The following KIR3DL1 variants were observed in gnomAD, a reference collection of about 807,000 sequenced individuals.
KIR3DL1 encodes killer cell immunoglobulin like receptor, three Ig domains and long cytoplasmic tail 1, also known as killer cell immunoglobulin-like receptor 3DL1.
KIR3DL1 carries 50 observed loss-of-function variants against 40.3 expected under a neutral mutation model. That is an observed-to-expected ratio of 1.24 (90% confidence interval 0.99 to 1.57). The LOEUF is 1.57. Among genes scored for constraint, KIR3DL1 ranks in the 40% most tolerant of loss-of-function variants. The probability of loss-of-function intolerance (pLI) is 0.00; values close to 1 mark genes in which losing one functional copy is unlikely to be tolerated. For missense variants in KIR3DL1, 661 were observed against 559.9 expected, an observed-to-expected ratio of 1.18 and a Z score of -1.82; for synonymous variants, 257 against 207.2, an observed-to-expected ratio of 1.24 and a Z score of -2.07.
chr19:54,817,399 G>T (rs1224258951), intron 1 of KIR3DL1, 135 bp from the exon 2 acceptor site: 1 of 764,444 alleles, frequency 1.3e-6, no homozygotes, highest in Non-Finnish European at 2.3e-6. Flanking sequence ...TGTTCCTGGG[G>T]GCAGGTAGGC....
rs2061414475 is a variant in KIR3DL1, at chr19:54,817,573, A to T, written c.70+4A>T. 10 of 1,509,408 alleles carry T rather than the reference A, an allele frequency of 6.6e-6. 1 individual carries two copies. In the Middle Eastern group the frequency reaches 1.1e-3, roughly 160 times the overall value. The allele number at this position is 1,509,408 out of a possible 1,614,324, so 93.5% of individuals were successfully genotyped here. ...CAGAGGGCCGGTCCACACATGGGTG[A>T]GTCCTTCCCCAAACCTTAGGGTGTC... is the stretch of plus-strand genomic sequence containing the variant. On this transcript the variant is annotated splice_donor_region_variant and intron_variant, in intron 2 of 8. Transcript: ENST00000391728.
chr19:54,817,538 G>T (rs1142881), exon 2 of KIR3DL1: 3 of 1,389,650 alleles, frequency 2.2e-6, no homozygotes, highest in Admixed American at 1.8e-5. Context: ...TTCTAGGGTT[G>T]TTCTTGGTCC....
intron 4 of KIR3DL1, among the ~76,000 whole-genome samples, chr19:54,820,862 CTG>C (rs2061597483): frequency 6.6e-6 from 1 of 150,920 alleles, no homozygotes; most frequent in Non-Finnish European, 1.5e-5. Flanking sequence ...ACTAGAGAGA[CTG>C]AGAGGCAGAG....
chr19:54,817,592 G>T, intron 2 of KIR3DL1, 23 bp downstream of exon 2: 1 of 1,493,072 alleles, frequency 6.7e-7, no homozygotes, highest in Non-Finnish European at 9.1e-7. Context: ...CCAAACCTTA[G>T]GGTGTCATCT....
chr19:54,818,138 C>A (rs2061441237), intron 2 of KIR3DL1, among the ~76,000 whole-genome samples, 177 bp from the exon 3 acceptor site: 2 of 141,238 alleles, frequency 1.4e-5, no homozygotes, highest in Non-Finnish European at 1.5e-5. Flanking sequence ...AAGTTCTCAG[C>A]TGACACTTGT....
At chr19:54,819,599 T>C (rs569605483) in intron 3 of KIR3DL1, 114 bp from the exon 4 acceptor site, 13,444 of 1,265,904 alleles carry the variant, frequency 0.011, 262 homozygotes, top group South Asian at 0.011. Flanking sequence ...GACACGGAGA[T>C]GCAGAGAGGG....
chr19:54,819,929 G>C, exon 4 of KIR3DL1: 1 of 1,612,016 alleles, frequency 6.2e-7, no homozygotes, highest in Non-Finnish European at 8.5e-7. Flanking sequence ...GCCCTTGCAG[G>C]GACCTACAGA....
At chr19:54,824,090 T>C (rs1316550711) in intron 5 of KIR3DL1, among the ~76,000 whole-genome samples, 1 of 151,548 alleles carries the variant, frequency 6.6e-6, no homozygotes, top group South Asian at 2.1e-4. Flanking sequence ...CAGAAGTTGC[T>C]TGGTTTGATG....
exon 9 of KIR3DL1, chr19:54,830,152 C>G: frequency 6.6e-7 from 1 of 1,522,546 alleles, no homozygotes; most frequent in Non-Finnish European, 8.9e-7. Context: ...TGGATCACTG[C>G]GTTTTCACAC....
At position 54,820,022 on chromosome 19, in the gene KIR3DL1, T is replaced by C; in HGVS notation, c.655+10T>C. On this transcript the variant is annotated intron_variant, in intron 4 of 8. Coordinates refer to ENST00000391728, the Ensembl canonical transcript of KIR3DL1. ...GACATCGTGGTCACAGGTGAGAGTG[T>C]CTAGACATTGTTCTCATTGTCACTG... The C allele has an allele frequency of 6.2e-7, 1 of 1,607,524 alleles. No homozygotes were observed. The highest frequency in any genetic ancestry group is 8.5e-7 in the Non-Finnish European group (1 of 1,176,692).
At chr19:54,827,347 G>C (rs1403151079) in intron 6 of KIR3DL1, among the ~76,000 whole-genome samples, 1 of 151,014 alleles carries the variant, frequency 6.6e-6, no homozygotes, top group South Asian at 2.1e-4. Context: ...ACCCAGCACT[G>C]CAGGAGGCTA....
In KIR3DL1 at chr19:54,821,863, G is replaced by C; in HGVS notation, c.949+5G>C. The stretch of plus-strand genomic sequence containing the variant: ...CACTGCTTGTTTCTGTCACAGGTGA[G>C]AAAAGCCCATATCTCTCTCATGTCC... On this transcript the variant is annotated splice_donor_5th_base_variant and intron_variant, in intron 5 of 8. Coordinates refer to ENST00000391728, the Ensembl canonical transcript of KIR3DL1. 1 of 1,598,838 alleles carries C rather than the reference G, an allele frequency of 6.3e-7. No individual in the cohort carries two copies. The highest frequency in any genetic ancestry group is 8.5e-7 in the Non-Finnish European group (1 of 1,170,952).
chr19:54,821,432 A>G, intron 4 of KIR3DL1, 133 bp from the exon 5 acceptor site: 1 of 1,187,718 alleles, frequency 8.4e-7, no homozygotes, highest in Non-Finnish European at 1.2e-6. Flanking sequence ...ATATGAAGAG[A>G]GATGGGGTGG....
intron 6 of KIR3DL1, among the ~76,000 whole-genome samples, chr19:54,827,842 T>C (rs2061984797): frequency 6.6e-6 from 1 of 150,608 alleles, no homozygotes; most frequent in South Asian, 2.1e-4. Flanking sequence ...AATCCTGGAA[T>C]AGAGAAAGTG....
intron 2 of KIR3DL1, among the ~76,000 whole-genome samples, 164 bp from the exon 3 acceptor site, chr19:54,818,151 T>G (rs1188507921): frequency 7.1e-6 from 1 of 141,652 alleles, no homozygotes; most frequent in Non-Finnish European, 1.5e-5. Context: ...ACACTTGTTG[T>G]AGGGAGACGC....
rs1203827544 is a variant in KIR3DL1, at chr19:54,829,009, G to A, written c.1001-352G>A. On this transcript the variant is annotated intron_variant, in intron 6 of 8. Coordinates refer to ENST00000391728, the Ensembl canonical transcript of KIR3DL1. Reference sequence around the variant, plus strand: ...CAGCTCTCCAGGAACTAATAGAGAGGGAACTTGCTAACCCCGTCTCCTTGG... The same window carrying A: ...CAGCTCTCCAGGAACTAATAGAGAGAGAACTTGCTAACCCCGTCTCCTTGG... 7.1e-3 allele frequency among the ~76,000 whole-genome samples: 888 copies of A among 124,280 alleles called. 4 individuals carry two copies. The highest frequency in any genetic ancestry group is 0.017 in the South Asian group (54 of 3,104). The allele number at this position is 124,280 out of a possible 152,430, so 81.5% of individuals were successfully genotyped here. A position where few individuals can be genotyped will look rare whatever the true frequency, so the allele number is the denominator to read the frequency against.
At chr19:54,826,672 A>G (rs2061908811) in intron 6 of KIR3DL1, among the ~76,000 whole-genome samples, 2 of 149,538 alleles carry the variant, frequency 1.3e-5, no homozygotes, top group Non-Finnish European at 3.0e-5. Flanking sequence ...TGGGTGACAG[A>G]GAAGGTCTCA....
chr19:54,824,593 T>C (rs2061790278), intron 5 of KIR3DL1, among the ~76,000 whole-genome samples: 1 of 151,360 alleles, frequency 6.6e-6, no homozygotes, highest in African/African-American at 2.4e-5. Flanking sequence ...AGAGAATTGC[T>C]TGAATCCAGG....
intron 5 of KIR3DL1, among the ~76,000 whole-genome samples, chr19:54,822,128 G>C (rs34640119): frequency 0.12 from 17,985 of 150,860 alleles, 1,463 homozygotes; most frequent in Non-Finnish European, 0.15. Flanking sequence ...GGCTTAGTTT[G>C]GGGAGATCAG....
Sources: allele counts gnomAD v4.1 joint callset (sites outside exome capture counted in the v4.1 genomes callset), GRCh38; gene constraint gnomAD v4.1.1; transcripts MANE v1.5; gene names NCBI Gene and HGNC (gene_info 2026-07-23, HGNC 2026-07-21).